SHISA9: variants seen among roughly 807,000 people sequenced by gnomAD.
SHISA9 encodes the protein protein shisa-9.
SHISA9 carries 13 observed loss-of-function variants against 38.0 expected under a neutral mutation model. The ratio of observed to expected loss-of-function variants is 0.34; its 90% confidence interval spans 0.22 to 0.54. The LOEUF (loss-of-function observed/expected upper bound fraction) is 0.54. Among genes scored for constraint, SHISA9 ranks in the 20% least tolerant of loss-of-function variants. The probability of loss-of-function intolerance (pLI) is 0.91; values close to 1 mark genes in which losing one functional copy is unlikely to be tolerated. For synonymous variants in SHISA9, 275 were observed against 242.0 expected, an observed-to-expected ratio of 1.14 and a Z score of -1.27; for missense variants, 538 against 575.8, an observed-to-expected ratio of 0.93 and a Z score of 0.67.
chr16:13,398,470 AC>A, the SHISA9 span, among the ~76,000 whole-genome samples: 1,323 of 150,496 alleles, frequency 8.8e-3, 14 homozygotes, highest in African/African-American at 0.031. Flanking sequence ...CTCATGCTTC[AC>A]AAGGGTAGCT....
At chr16:12,916,011 G>GTTTTT (rs34050190) in intron 1 of SHISA9, among the ~76,000 whole-genome samples, 86 of 90,440 alleles carry the variant, frequency 9.5e-4, no homozygotes, top group Non-Finnish European at 1.1e-3. Flanking sequence ...GTGTGTGTGT[G>GTTTTT]TTTTTTTTTT....
intron 2 of SHISA9, chr16:13,197,770 A>G (rs1446831592): frequency 6.6e-6 from 1 of 152,258 alleles, no homozygotes; most frequent in Non-Finnish European, 1.5e-5. Flanking sequence ...GCATTGGATA[A>G]GGAGTACCTT....
the SHISA9 span, among the ~76,000 whole-genome samples, chr16:13,350,009 A>G: frequency 6.6e-6 from 1 of 152,146 alleles, no homozygotes; most frequent in African/African-American, 2.4e-5. Context: ...CTGCTAAGGT[A>G]TTATTTCTGG....
chr16:13,355,129 A>T, the SHISA9 span, among the ~76,000 whole-genome samples: 1 of 150,400 alleles, frequency 6.6e-6, no homozygotes, highest in African/African-American at 2.5e-5. Flanking sequence ...CACGGGGTGG[A>T]TAGGCAAAAC....
At chr16:13,019,884 C>CTTTCTTTCTTTCT (rs1227139524) in intron 2 of SHISA9, among the ~76,000 whole-genome samples, 1 of 20,892 alleles carries the variant, frequency 4.8e-5, no homozygotes, top group African/African-American at 1.8e-4. Flanking sequence ...CCCTCCCTCC[C>CTTTCTTTCTTTCT]TTCTTTCTTT....
At chr16:13,143,175 A>G (rs900753629) in intron 2 of SHISA9, among the ~76,000 whole-genome samples, 1 of 151,240 alleles carries the variant, frequency 6.6e-6, no homozygotes, top group Non-Finnish European at 1.5e-5. Flanking sequence ...CTGGCTAACT[A>G]TTTTTTGTAT....
chr16:13,401,685 A>T, the SHISA9 span, among the ~76,000 whole-genome samples: 1 of 152,214 alleles, frequency 6.6e-6, no homozygotes, highest in African/African-American at 2.4e-5. Flanking sequence ...GAGGGACCTT[A>T]CCAGTGACCA....
intron 2 of SHISA9, among the ~76,000 whole-genome samples, chr16:13,071,164 G>A (rs146140311): frequency 6.6e-5 from 10 of 152,182 alleles, no homozygotes; most frequent in East Asian, 3.9e-4. Context: ...CTTAAAAATC[G>A]TCAAGATGGC....
intron 2 of SHISA9, among the ~76,000 whole-genome samples, chr16:13,122,746 A>C (rs1186768395): frequency 6.6e-6 from 1 of 152,182 alleles, no homozygotes; most frequent in Non-Finnish European, 1.5e-5. Context: ...AGGTTTTAAG[A>C]TTTAAAAATA....
chr16:13,473,128 G>T, the SHISA9 span, among the ~76,000 whole-genome samples: 1 of 151,976 alleles, frequency 6.6e-6, no homozygotes, highest in South Asian at 2.1e-4. Context: ...GTTTTGTTAT[G>T]GGGCACAGTT....
At chr16:13,535,912 C>T in the SHISA9 span, among the ~76,000 whole-genome samples, 10 of 152,178 alleles carry the variant, frequency 6.6e-5, no homozygotes, top group Non-Finnish European at 1.3e-4. Context: ...CTTCCTATAA[C>T]TTTTCTTCTT....
chr16:13,516,674 C>A, the SHISA9 span, among the ~76,000 whole-genome samples: 2 of 152,038 alleles, frequency 1.3e-5, no homozygotes, highest in African/African-American at 4.8e-5. Context: ...GTGGCAGGCA[C>A]CTGTAATCCC....
At chr16:13,550,477 G>A in the SHISA9 span, among the ~76,000 whole-genome samples, 1 of 152,122 alleles carries the variant, frequency 6.6e-6, no homozygotes, top group African/African-American at 2.4e-5. Context: ...TGTCCAAGTG[G>A]CAACTCTTAA....
chr16:13,492,468 G>C, the SHISA9 span, among the ~76,000 whole-genome samples: 1 of 152,196 alleles, frequency 6.6e-6, no homozygotes, highest in African/African-American at 2.4e-5. Flanking sequence ...CTTGGCAAGG[G>C]ATTTTTAGAA....
At chr16:13,467,222 G>A in the SHISA9 span, among the ~76,000 whole-genome samples, 30 of 152,172 alleles carry the variant, frequency 2.0e-4, no homozygotes, top group South Asian at 5.6e-3. Context: ...AGGAAGACTC[G>A]CCTTCTATGT....
At chr16:13,112,552 C>T (rs1338793111) in intron 2 of SHISA9, among the ~76,000 whole-genome samples, 1 of 152,094 alleles carries the variant, frequency 6.6e-6, no homozygotes, top group Non-Finnish European at 1.5e-5. Flanking sequence ...AACTGGAATC[C>T]CTGGGGTCAA....
chr16:12,963,380 C>T (rs536496563), intron 2 of SHISA9, among the ~76,000 whole-genome samples: 53 of 152,110 alleles, frequency 3.5e-4, no homozygotes, highest in Non-Finnish European at 6.9e-4. Flanking sequence ...TGGCCTTTGT[C>T]TTCAGGAGCT....
At chr16:13,442,906 A>T in the SHISA9 span, among the ~76,000 whole-genome samples, 1 of 152,230 alleles carries the variant, frequency 6.6e-6, no homozygotes, top group Non-Finnish European at 1.5e-5. Context: ...CAACATTAAT[A>T]GTTAAAAGAA....
downstream of SHISA9, among the ~76,000 whole-genome samples, chr16:13,244,433 A>G (rs956603772): frequency 2.0e-5 from 3 of 152,186 alleles, no homozygotes; most frequent in Non-Finnish European, 4.4e-5. Flanking sequence ...GAAGACCTCT[A>G]TGATGATCCA....
Sources: allele counts gnomAD v4.1 joint callset (sites outside exome capture counted in the v4.1 genomes callset), GRCh38; gene constraint gnomAD v4.1.1; transcripts MANE v1.5; gene names NCBI Gene and HGNC (gene_info 2026-07-23, HGNC 2026-07-21).